The following LYG1 variants were observed in gnomAD, a reference collection of about 807,000 sequenced individuals.
LYG1 encodes lysozyme g1.
In LYG1, 17 loss-of-function variants were observed where a neutral mutation model predicts 21.7. That is an observed-to-expected ratio of 0.78 (90% CI 0.54 to 1.18). LYG1 has a LOEUF of 1.18. LYG1 is among the 50% of genes most tolerant of loss of function. The pLI, the probability that LYG1 is intolerant of heterozygous loss-of-function variation, is 0.00. For synonymous variants in LYG1, 81 were observed against 87.4 expected (o/e 0.93, Z 0.41); for missense variants, 211 against 238.1 (o/e 0.89, Z 0.75).
At chr2:99,297,739 G>A (rs1263599067) in intron 2 of LYG1, among the ~76,000 whole-genome samples, 1 of 152,102 alleles carries the variant, frequency 6.6e-6, no homozygotes, top group African/African-American at 2.4e-5. Context: ...CTTAGAGCCA[G>A]AGTTTTACTC....
upstream of LYG1, among the ~76,000 whole-genome samples, chr2:99,301,405 A>AAG (rs1209015096): frequency 6.7e-6 from 1 of 148,898 alleles, no homozygotes; most frequent in Non-Finnish European, 1.5e-5. Flanking sequence ...GAGAGAGAGA[A>AAG]AGAGAGAGAG....
intron 3 of LYG1, 118 bp from the exon 4 acceptor site, chr2:99,292,758 C>A: frequency 1.5e-6 from 1 of 663,942 alleles, no homozygotes; most frequent in Middle Eastern, 2.7e-4. Flanking sequence ...ATCACCTTCA[C>A]TCTGCAATTG....
At chr2:99,299,925 TAC>T (rs1308845710) in intron 1 of LYG1, among the ~76,000 whole-genome samples, 3 of 150,838 alleles carry the variant, frequency 2.0e-5, no homozygotes, top group Non-Finnish European at 4.4e-5. Context: ...CACACACACG[TAC>T]ACACACACAC....
chr2:99,284,320 C>T lies in LYG1; in HGVS notation c.*73G>A. 1 of 1,305,582 alleles carries T rather than the reference C, an allele frequency of 7.7e-7. No homozygotes were observed. The highest frequency in any genetic ancestry group is 1.1e-6 in the Non-Finnish European group (1 of 917,922). The allele number at this position is 1,305,582 out of a possible 1,614,324, so 80.9% of individuals were successfully genotyped here. A position where few individuals can be genotyped will look rare whatever the true frequency, so the allele number is the denominator to read the frequency against. On this transcript the variant is annotated 3_prime_UTR_variant, in exon 7 of 7. Coordinates refer to ENST00000308528, the MANE Select transcript of LYG1 (RefSeq NM_174898.3). ...AAACTCAGATTCCCAGTTACAGGTG[C>T]CCTTGGCTAGTTTTATCTGTGTAAC...
chr2:99,295,403 A>C (rs554350042), intron 3 of LYG1, among the ~76,000 whole-genome samples: 8 of 152,378 alleles, frequency 5.3e-5, no homozygotes, highest in African/African-American at 1.9e-4. Context: ...GGCTTCAAGC[A>C]GTGCTGTTTT....
At chr2:99,292,055 AGAGG>A (rs1189229665) in intron 4 of LYG1, among the ~76,000 whole-genome samples, 2 of 152,034 alleles carry the variant, frequency 1.3e-5, no homozygotes, top group Non-Finnish European at 2.9e-5. Context: ...GGGAGGCCAA[AGAGG>A]GAGGATCACC....
intron 2 of LYG1, among the ~76,000 whole-genome samples, chr2:99,297,671 A>C (rs916136330): frequency 2.6e-5 from 4 of 152,276 alleles, no homozygotes; most frequent in Non-Finnish European, 2.9e-5. Flanking sequence ...ATCAAGGTAA[A>C]GTTTTTCAAT....
chr2:99,289,365 A>G (rs1390528052), intron 5 of LYG1, among the ~76,000 whole-genome samples: 1 of 151,754 alleles, frequency 6.6e-6, no homozygotes, highest in Admixed American at 6.6e-5. Context: ...GAGGCTGAGG[A>G]GGATCGTGTG....
Position 99,287,783 on chromosome 2 carries a change from AT to A in LYG1, c.334-2964del, listed in dbSNP as rs1559217918. 2.0e-5 allele frequency among the ~76,000 whole-genome samples: 3 copies of A among 152,174 alleles called. No homozygotes were observed. In the East Asian group the frequency reaches 5.8e-4, roughly 29 times the overall value. On this transcript the variant is annotated intron_variant, in intron 5 of 6. Transcript: ENST00000308528. ...TTAATTTTTAAAATTATCTTCTAGC[AT>A]AATTGTATTATTGTGATATCTGAAA... is the stretch of plus-strand genomic sequence containing the variant.
chr2:99,301,432 AGAGT>A (rs1000061047), upstream of LYG1, among the ~76,000 whole-genome samples: 4 of 142,704 alleles, frequency 2.8e-5, no homozygotes, highest in African/African-American at 7.7e-5. Context: ...AAGGAGAGAG[AGAGT>A]GAGAAGGGGA....
intron 2 of LYG1, among the ~76,000 whole-genome samples, chr2:99,296,057 C>A (rs2094135302): frequency 6.6e-6 from 1 of 151,818 alleles, no homozygotes; most frequent in Non-Finnish European, 1.5e-5. Flanking sequence ...GATGCCCATA[C>A]CTCATCCCAA....
chr2:99,302,408 G>A (rs1369856706), upstream of LYG1, among the ~76,000 whole-genome samples: 1 of 151,876 alleles, frequency 6.6e-6, no homozygotes, highest in East Asian at 2.0e-4. Context: ...TGTTGAATCA[G>A]TCAATGACTG....
intron 2 of LYG1, 112 bp from the exon 3 acceptor site, chr2:99,295,814 C>A: frequency 2.0e-6 from 2 of 1,017,026 alleles, no homozygotes; most frequent in South Asian, 2.9e-5. Context: ...CCATATCTGA[C>A]CTAAGAAAAT....
intron 4 of LYG1, among the ~76,000 whole-genome samples, chr2:99,291,988 G>A (rs1270294727): frequency 6.6e-6 from 1 of 152,060 alleles, no homozygotes. Context: ...TGCTTTTATG[G>A]TTTAAAAAGC....
chr2:99,299,780 A>T (rs2309614), intron 1 of LYG1, among the ~76,000 whole-genome samples: 67,437 of 151,156 alleles, frequency 0.45, 15,328 homozygotes, highest in Admixed American at 0.58. Context: ...TTGTTTTTTT[A>T]AAATTTTTAA....
chr2:99,291,811 A>G (rs1030029457), intron 4 of LYG1, among the ~76,000 whole-genome samples: 5 of 152,258 alleles, frequency 3.3e-5, no homozygotes, highest in South Asian at 2.1e-4. Context: ...AAACCCTTCA[A>G]TAAGTCTTTA....
In LYG1 at chr2:99,291,309, A is replaced by G. The variant is rs894688610; in HGVS notation, c.261T>C (p.Ala87=). The G allele has an allele frequency of 3.1e-6, 5 of 1,613,548 alleles. No homozygotes were observed. The highest frequency in any genetic ancestry group is 3.4e-6 in the Non-Finnish European group (4 of 1,179,640). The change falls in exon 5 of 7, where the codon GCT becomes GCC. Residue 87 remains alanine (A), a synonymous_variant. Transcript: ENST00000308528. The stretch of plus-strand genomic sequence containing the variant: ...CGGGAGACTTCCTGGACAAGACACC[A>G]GCGATCACGGCAGGATCCATGCAGT... ...QKYCMDPAVI[A]GVLSRKSPGD...
chr2:99,302,427 C>G (rs1363523109), upstream of LYG1, among the ~76,000 whole-genome samples: 2 of 152,148 alleles, frequency 1.3e-5, no homozygotes, highest in Non-Finnish European at 2.9e-5. Flanking sequence ...TGAAGAATTC[C>G]TACAACCTCA....
intron 1 of LYG1, among the ~76,000 whole-genome samples, chr2:99,300,083 T>G (rs1429545917): frequency 3.4e-5 from 2 of 59,590 alleles, no homozygotes; most frequent in East Asian, 2.8e-3. Context: ...ACTAAGATCT[T>G]TTTTTTTTTG....
Sources: allele counts gnomAD v4.1 joint callset (sites outside exome capture counted in the v4.1 genomes callset), GRCh38; gene constraint gnomAD v4.1.1; transcripts MANE v1.5; gene names NCBI Gene and HGNC (gene_info 2026-07-23, HGNC 2026-07-21).